BICD1: variants seen among roughly 807,000 people sequenced by gnomAD.
BICD1 encodes the protein protein bicaudal D homolog 1.
Under a neutral mutation model 92.5 loss-of-function variants are expected in BICD1, and 35 were observed. The observed-to-expected ratio is 0.38, with a 90% CI of 0.29 to 0.50. The LOEUF is 0.50. Ranked by LOEUF, BICD1 falls within the 20% of genes least tolerant of loss-of-function variation. The pLI, the probability that BICD1 is intolerant of heterozygous loss-of-function variation, is 0.93. For synonymous variants in BICD1, 429 were observed against 465.1 expected (o/e 0.92, Z 1.00); for missense variants, 950 against 1,189.8 (o/e 0.80, Z 2.97).
chr12:32,282,199 C>CTTTTTTTTTTT (rs1565639578), intron 2 of BICD1, among the ~76,000 whole-genome samples: 1 of 68,994 alleles, frequency 1.4e-5, no homozygotes. Context: ...TTCAGGTCTT[C>CTTTTTTTTTTT]TTCTTTTTTT....
intron 1 of BICD1, among the ~76,000 whole-genome samples, chr12:32,142,444 C>CCTATCCATCCTAT (rs1555134276): frequency 3.4e-3 from 287 of 84,732 alleles, no homozygotes; most frequent in African/African-American, 0.013. Context: ...AAAAACCCCA[C>CCTATCCATCCTAT]CTATCTATCC....
intron 2 of BICD1, among the ~76,000 whole-genome samples, chr12:32,287,542 T>C (rs932826646): frequency 2.3e-5 from 3 of 129,430 alleles, no homozygotes; most frequent in African/African-American, 5.1e-5. Flanking sequence ...TTTTTTTTTT[T>C]GTTTTTTTTT....
intron 2 of BICD1, among the ~76,000 whole-genome samples, chr12:32,285,001 C>A (rs1474297382): frequency 6.6e-6 from 1 of 152,212 alleles, no homozygotes; most frequent in African/African-American, 2.4e-5. Context: ...TTGATCACTG[C>A]TCCAGGCTTG....
intron 1 of BICD1, among the ~76,000 whole-genome samples, chr12:32,156,247 C>T (rs7952772): frequency 0.11 from 16,932 of 152,188 alleles, 1,129 homozygotes; most frequent in Middle Eastern, 0.21. Context: ...TGTCAAGGCA[C>T]GCTACAGTTC....
At chr12:32,141,518 G>C (rs1565542683) in intron 1 of BICD1, among the ~76,000 whole-genome samples, 1 of 152,136 alleles carries the variant, frequency 6.6e-6, no homozygotes, top group African/African-American at 2.4e-5. Context: ...CTGTCGCCCA[G>C]GCTGGAGTGC....
intron 1 of BICD1, among the ~76,000 whole-genome samples, chr12:32,211,767 T>C (rs1945222623): frequency 6.6e-6 from 1 of 151,496 alleles, no homozygotes; most frequent in South Asian, 2.1e-4. Context: ...TAAATTGTAC[T>C]AATACTTGAC....
intron 2 of BICD1, among the ~76,000 whole-genome samples, chr12:32,258,824 G>T (rs1946782756): frequency 6.6e-6 from 1 of 152,158 alleles, no homozygotes; most frequent in African/African-American, 2.4e-5. Context: ...CTTCAAAGAG[G>T]AACCAGGAGT....
At chr12:32,254,295 T>C (rs1446063224) in intron 2 of BICD1, among the ~76,000 whole-genome samples, 2 of 143,046 alleles carry the variant, frequency 1.4e-5, no homozygotes, top group Non-Finnish European at 3.0e-5. Flanking sequence ...TCACTGCCCA[T>C]ATTCCCACCT....
chr12:32,212,879 T>C (rs367616617), intron 1 of BICD1, among the ~76,000 whole-genome samples: 1 of 152,352 alleles, frequency 6.6e-6, no homozygotes, highest in Admixed American at 6.5e-5. Context: ...ATCAACTCTT[T>C]TAAGGCAGAG....
chr12:32,312,180 C>T (rs1592655658), intron 4 of BICD1, among the ~76,000 whole-genome samples: 1 of 148,880 alleles, frequency 6.7e-6, no homozygotes, highest in Non-Finnish European at 1.5e-5. Context: ...TCTGCCATGC[C>T]TTTGTTGGAA....
In BICD1 at chr12:32,380,625, A is replaced by C. The variant is rs1940144916; in HGVS notation, c.*2998A>C. 6.6e-6 allele frequency: 1 copy of C among 152,140 alleles called. No individual in the cohort carries two copies. The highest frequency in any genetic ancestry group is 1.5e-5 in the Non-Finnish European group (1 of 67,974). The allele number at this position is 152,140 out of a possible 1,614,324, so 9.4% of individuals were successfully genotyped here. A position where few individuals can be genotyped will look rare whatever the true frequency, so the allele number is the denominator to read the frequency against. The stretch of plus-strand genomic sequence containing the variant: ...TAAATTGTCTTTGGCCTGAGTGCTG[A>C]GTGGCATAAATAAAGGAGCTTGGCT... On this transcript the variant is annotated 3_prime_UTR_variant, in exon 10 of 10. Coordinates refer to ENST00000652176, the MANE Select transcript of BICD1 (RefSeq NM_001714.4).
chr12:32,316,709 A>C (rs1948512277), intron 4 of BICD1, among the ~76,000 whole-genome samples: 1 of 151,854 alleles, frequency 6.6e-6, no homozygotes, highest in Non-Finnish European at 1.5e-5. Context: ...CTTTTTTTAA[A>C]ATTTTATTAT....
intron 2 of BICD1, among the ~76,000 whole-genome samples, chr12:32,216,866 A>G (rs1215946775): frequency 6.6e-6 from 1 of 152,206 alleles, no homozygotes; most frequent in Non-Finnish European, 1.5e-5. Context: ...GACACTGCTC[A>G]TAGGGAATGA....
chr12:32,247,120 G>A (rs1275891897), intron 2 of BICD1, among the ~76,000 whole-genome samples: 1 of 151,740 alleles, frequency 6.6e-6, no homozygotes, highest in African/African-American at 2.4e-5. Flanking sequence ...AGCCCGGTAT[G>A]GTGGTGTGTG....
At chr12:32,111,820 G>A (rs570905105) in intron 1 of BICD1, among the ~76,000 whole-genome samples, 1 of 151,918 alleles carries the variant, frequency 6.6e-6, no homozygotes, top group African/African-American at 2.4e-5. Context: ...TGTTAGCCAG[G>A]ATGGTCTCGA....
intron 3 of BICD1, among the ~76,000 whole-genome samples, chr12:32,298,664 A>G (rs1202119857): frequency 1.6e-4 from 24 of 151,118 alleles, no homozygotes; most frequent in African/African-American, 5.6e-4. Flanking sequence ...TGAGGTCTGG[A>G]GTTCGAGACC....
Position 32,325,607 on chromosome 12 carries a change from AC to A in BICD1, c.1006-1853del, listed in dbSNP as rs1948756600. ...TAAAGGATCATAAAAATACTACTCT[AC>A]TCTATTATACATTTACATATACACA... On this transcript the variant is annotated intron_variant, in intron 4 of 9. Transcript: ENST00000652176. 2.0e-5 allele frequency among the ~76,000 whole-genome samples: 3 copies of A among 152,160 alleles called. No homozygotes were observed. The South Asian group carries it at 6.2e-4, about 32-fold the overall frequency.
intron 1 of BICD1, among the ~76,000 whole-genome samples, chr12:32,142,405 TAA>T (rs1162662533): frequency 0.025 from 1,611 of 63,372 alleles, 27 homozygotes; most frequent in East Asian, 0.13. Context: ...AGACTCTGTC[TAA>T]AAAAAAAAAA....
At chr12:32,164,604 AG>A (rs1943700155) in intron 1 of BICD1, among the ~76,000 whole-genome samples, 1 of 152,192 alleles carries the variant, frequency 6.6e-6, no homozygotes, top group Non-Finnish European at 1.5e-5. Context: ...TTTGTTATGG[AG>A]GCAAGTAGGG....
Sources: allele counts gnomAD v4.1 joint callset (sites outside exome capture counted in the v4.1 genomes callset), GRCh38; gene constraint gnomAD v4.1.1; transcripts MANE v1.5; gene names NCBI Gene and HGNC (gene_info 2026-07-23, HGNC 2026-07-21).